FLRT1: variants seen among roughly 807,000 people sequenced by gnomAD.
FLRT1 encodes the protein fibronectin leucine rich transmembrane protein 1.
A neutral mutation model predicts 30.9 loss-of-function variants in FLRT1; 14 were observed. That is an observed-to-expected ratio of 0.45 (90% CI 0.30 to 0.71). The LOEUF (loss-of-function observed/expected upper bound fraction) is 0.71. FLRT1 is among the 30% of genes least tolerant of loss of function. FLRT1 has a pLI of 0.08. For missense variants in FLRT1, 737 were observed against 949.2 expected (o/e 0.78, Z 2.94); for synonymous variants, 368 against 430.4 (o/e 0.85, Z 1.80).
chr11:64,089,001 C>T lies in FLRT1; in HGVS notation c.-1037-14193C>T, dbSNP rs566710639. Among the ~76,000 whole-genome samples, 1,159 of 152,236 alleles carry T rather than the reference C, an allele frequency of 7.6e-3. 13 individuals are homozygous for T. The highest frequency in any genetic ancestry group is 9.8e-3 in the Non-Finnish European group (666 of 68,004). On this transcript the variant is annotated intron_variant, in intron 1 of 2. Coordinates refer to ENST00000682287, the MANE Select transcript of FLRT1 (RefSeq NM_013280.5). ...GGTTACCAGACTCAGAGAGAGCCAC[C>T]GAAGCCACTGGGAGGGCCACTGACA...
intron 1 of FLRT1, among the ~76,000 whole-genome samples, chr11:64,097,964 G>A (rs903749462): frequency 3.9e-5 from 6 of 152,140 alleles, no homozygotes; most frequent in African/African-American, 1.4e-4. Flanking sequence ...CAGCACCCAG[G>A]CCTGTCTTCA....
At position 64,118,213 on chromosome 11, in the gene FLRT1, CCACA is replaced by C; in HGVS notation, c.1952_1955del (p.His651ProfsTer18). ...TCCAACGGCAGCAGCCTCTGCAAGGCCACACACACCATTGGCTACGGCACCACGC... is the reference window on the plus strand; with the variant it reads ...TCCAACGGCAGCAGCCTCTGCAAGGCCACACCATTGGCTACGGCACCACGC... On this transcript the variant is annotated frameshift_variant, in exon 3 of 3. Coordinates refer to ENST00000682287, the MANE Select transcript of FLRT1 (RefSeq NM_013280.5). LOFTEE classifies it high-confidence loss of function. The C allele has an allele frequency of 6.2e-7, 1 of 1,613,088 alleles. No individual in the cohort carries two copies. The highest frequency in any genetic ancestry group is 1.1e-5 in the South Asian group (1 of 91,042).
chr11:64,116,832 C>A lies in FLRT1; in HGVS notation c.565C>A (p.Leu189Met). Residue 189 changes from leucine (L) to methionine (M), a missense_variant, in exon 3 of 3, where the codon CTG becomes ATG. Transcript: ENST00000682287. ...GCTGCTCTTCCTGAGCCGGAACCAC[C>A]TGAGCAGCATCCCCTCGGGGCTGCC... ...LKLLFLSRNH[L>M]SSIPSGLPHT... 1 of 1,613,118 alleles carries A rather than the reference C, an allele frequency of 6.2e-7. No individual in the cohort carries two copies. The highest frequency in any genetic ancestry group is 8.5e-7 in the Non-Finnish European group (1 of 1,179,984).
intron 1 of FLRT1, among the ~76,000 whole-genome samples, chr11:64,074,035 G>A (rs561524485): frequency 5.3e-5 from 8 of 152,316 alleles, no homozygotes; most frequent in African/African-American, 1.9e-4. Flanking sequence ...GTCTGCTCCA[G>A]GGCCACTGTC....
chr11:64,114,343 T>TGATGGATGGATGATGGACA (rs1555025678), intron 2 of FLRT1, among the ~76,000 whole-genome samples: 2 of 136,252 alleles, frequency 1.5e-5, no homozygotes, highest in Middle Eastern at 4.9e-3. Context: ...AGTAGATACA[T>TGATGGATGGATGATGGACA]GATGGATGGA....
In FLRT1 at chr11:64,117,321, G is replaced by A. The variant is rs34660800; in HGVS notation, c.1054G>A (p.Val352Met). The change falls in exon 3 of 3, where the codon GTG becomes ATG. Residue 352 changes from valine to methionine, a missense_variant. By Grantham distance (21) the Val-to-Met change is conservative. Coordinates refer to ENST00000682287, the MANE Select transcript of FLRT1 (RefSeq NM_013280.5). ...WVKARAAVVN[V>M]RGLMCQGPEK... The stretch of plus-strand genomic sequence containing the variant: ...GAAGGCACGGGCGGCCGTGGTCAAC[G>A]TGCGGGGCCTCATGTGCCAGGGCCC... The A allele has an allele frequency of 1.2e-6, 2 of 1,614,126 alleles. No homozygotes were observed. The highest frequency in any genetic ancestry group is 1.7e-6 in the Non-Finnish European group (2 of 1,180,008).
intron 1 of FLRT1, among the ~76,000 whole-genome samples, chr11:64,078,789 G>A (rs1321826619): frequency 6.6e-6 from 1 of 152,112 alleles, no homozygotes; most frequent in Non-Finnish European, 1.5e-5. Flanking sequence ...GACTGCAGGG[G>A]GGGAGGCCTC....
intron 1 of FLRT1, among the ~76,000 whole-genome samples, chr11:64,053,129 C>T (rs1163549131): frequency 6.6e-6 from 1 of 152,172 alleles, no homozygotes; most frequent in African/African-American, 2.4e-5. Context: ...CAAGAAGGTG[C>T]AGTCACCAGG....
intron 1 of FLRT1, among the ~76,000 whole-genome samples, chr11:64,038,681 G>C (rs575430478): frequency 6.6e-6 from 1 of 152,324 alleles, no homozygotes; most frequent in African/African-American, 2.4e-5. Flanking sequence ...CCTGATCTCA[G>C]AGATGGGGCC....
At chr11:64,091,090 A>C (rs1590894170) in intron 1 of FLRT1, among the ~76,000 whole-genome samples, 1 of 110,374 alleles carries the variant, frequency 9.1e-6, no homozygotes. Context: ...TGGGAGGAGG[A>C]GGGGAGAAGG....
rs1189920049 is a variant in FLRT1 at position 64,087,790 on chromosome 11, C to G, written c.-1037-15404C>G. On this transcript the variant is annotated intron_variant, in intron 1 of 2. Coordinates refer to ENST00000682287, the MANE Select transcript of FLRT1 (RefSeq NM_013280.5). ...CACGTCTGAATGACCGGAGGCTGGA[C>G]GCCTGCCCAGGGCTGGCTTCTCTGC... Among the ~76,000 whole-genome samples, 3 of 152,244 alleles carry G rather than the reference C, an allele frequency of 2.0e-5. No individual in the cohort carries two copies. In the East Asian group the frequency reaches 5.8e-4, roughly 29 times the overall value.
intron 1 of FLRT1, among the ~76,000 whole-genome samples, chr11:64,091,603 AGCCTAGGACG>A (rs1392052944): frequency 6.6e-6 from 1 of 152,060 alleles, no homozygotes; most frequent in Non-Finnish European, 1.5e-5. Context: ...TCCTTGCCAC[AGCCTAGGACG>A]TTGCCGCCAC....
intron 1 of FLRT1, among the ~76,000 whole-genome samples, chr11:64,083,948 G>A (rs1394934795): frequency 6.6e-6 from 1 of 152,206 alleles, no homozygotes; most frequent in Non-Finnish European, 1.5e-5. Context: ...GCAGCCCGGC[G>A]CTGCTGTGGG....
intron 2 of FLRT1, among the ~76,000 whole-genome samples, chr11:64,115,092 G>A (rs748397364): frequency 5.3e-5 from 8 of 152,156 alleles, no homozygotes; most frequent in East Asian, 1.9e-4. Context: ...TTCAGGTTCC[G>A]AGAGGCCATC....
Position 64,082,982 on chromosome 11 carries a change from T to G in FLRT1, c.-1037-20212T>G, listed in dbSNP as rs1269508838. On this transcript the variant is annotated intron_variant, in intron 1 of 2. Transcript: ENST00000682287. This position sits in a 1 kb window ranked among gnomAD's most constrained non-coding sequence, Gnocchi z 4.5. ...TGCCGTGTGCCATTGGCACCTCCTG[T>G]GTGCCAAGTGCTGGCTTAGTCTCCC... 1 of 152,496 alleles carries G rather than the reference T, an allele frequency of 6.6e-6. No individual in the cohort carries two copies. Among genetic ancestry groups the G allele is most frequent in the African/African-American group, 2.4e-5 (1 of 41,462 alleles). The allele number at this position is 152,496 out of a possible 1,614,324, so 9.4% of individuals were successfully genotyped here. A position where few individuals can be genotyped will look rare whatever the true frequency, so the allele number is the denominator to read the frequency against.
At chr11:64,055,867 T>G (rs1310210040) in intron 1 of FLRT1, among the ~76,000 whole-genome samples, 1 of 152,206 alleles carries the variant, frequency 6.6e-6, no homozygotes, top group Non-Finnish European at 1.5e-5. Context: ...CTCTTGGGTC[T>G]GCTATTGTCC....
intron 1 of FLRT1, among the ~76,000 whole-genome samples, chr11:64,051,734 C>T (rs1943699238): frequency 1.3e-5 from 2 of 152,160 alleles, no homozygotes; most frequent in African/African-American, 4.8e-5. Flanking sequence ...AGTGGTTTGG[C>T]CAGATAGCCC....
intron 1 of FLRT1, among the ~76,000 whole-genome samples, chr11:64,099,941 G>T (rs1299889621): frequency 6.6e-6 from 1 of 152,142 alleles, no homozygotes; most frequent in Non-Finnish European, 1.5e-5. Flanking sequence ...GCACAAGAGA[G>T]CCTCAGGAGA....
Position 64,064,083 on chromosome 11 carries a change from G to T in FLRT1, c.-1038+27924G>T, listed in dbSNP as rs1565215770. 6.6e-6 allele frequency among the ~76,000 whole-genome samples: 1 copy of T among 152,110 alleles called. No homozygotes were observed. The highest frequency in any genetic ancestry group is 2.4e-5 in the African/African-American group (1 of 41,414). On this transcript the variant is annotated intron_variant, in intron 1 of 2. Transcript: ENST00000682287. The surrounding 1 kb of genome is among the most constrained non-coding windows in gnomAD (Gnocchi z 4.5). ...ACAGCGACACCCACACAAACCCGAGGTCTCTCTCTCTGCGCCCCCTATCTC... is the reference window on the plus strand; with the variant it reads ...ACAGCGACACCCACACAAACCCGAGTTCTCTCTCTCTGCGCCCCCTATCTC...
Sources: gnomAD v4.1 joint callset for allele counts (sites outside exome capture counted in the v4.1 genomes callset) on GRCh38, gnomAD v4.1.1 for gene constraint, Gnocchi (gnomAD v3.1) non-coding constraint, MANE v1.5 for transcripts, NCBI Gene and HGNC (gene_info 2026-07-23, HGNC 2026-07-21) for gene names.